Variants in KANSL1 observed in about 807,000 individuals in gnomAD.
The protein encoded by KANSL1 is MLL1/MLL complex subunit KANSL1.
KANSL1 carries 22 observed loss-of-function variants against 103.6 expected under a neutral mutation model. The ratio of observed to expected loss-of-function variants is 0.21; its 90% CI spans 0.15 to 0.30. The LOEUF (loss-of-function observed/expected upper bound fraction) is 0.30, where lower values mean the gene tolerates loss of function less well. Among genes scored for constraint, KANSL1 ranks in the 10% least tolerant of loss-of-function variants. The probability of loss-of-function intolerance (pLI) is 1.00; values close to 1 mark genes in which losing one functional copy is unlikely to be tolerated. For missense variants in KANSL1, 1,337 were observed against 1,399.8 expected (o/e 0.96, Z 0.72); for synonymous variants, 600 against 527.6 (o/e 1.14, Z -1.88).
rs2046254313 is a variant in KANSL1 at position 46,170,983 on chromosome 17, G to A, written c.1161C>T (p.Gly387=). The A allele has an allele frequency of 1.2e-6, 2 of 1,614,160 alleles. No individual in the cohort carries two copies. The highest frequency in any genetic ancestry group is 8.5e-7 in the Non-Finnish European group (1 of 1,180,060). The change falls in exon 2 of 15, where the codon GGC becomes GGT. Residue 387 remains glycine (G), a synonymous_variant. Coordinates refer to ENST00000432791, the MANE Select transcript of KANSL1 (RefSeq NM_015443.4). ...SEELERFTAS[G]IANLRCSEQA... is the part of the protein sequence containing the mutation. ...GTTCACTGCACCTCAAGTTGGCTATGCCACTAGCTGTAAATCTCTCCAATT... is the reference window on the plus strand; with the variant it reads ...GTTCACTGCACCTCAAGTTGGCTATACCACTAGCTGTAAATCTCTCCAATT...
intron 7 of KANSL1, among the ~76,000 whole-genome samples, chr17:46,046,651 T>C (rs555655005): frequency 2.2e-5 from 3 of 138,350 alleles, no homozygotes; most frequent in Non-Finnish European, 3.0e-5. Flanking sequence ...TCCTGGCCAA[T>C]ATGGTGAAAC....
At chr17:46,126,025 A>G (rs1483765888) in intron 2 of KANSL1, among the ~76,000 whole-genome samples, 1 of 152,266 alleles carries the variant, frequency 6.6e-6, no homozygotes, top group Non-Finnish European at 1.5e-5. Context: ...ACAGCTTATC[A>G]GTACCAGTAG....
intron 8 of KANSL1, 159 bp downstream of exon 8, chr17:46,039,543 G>T: frequency 1.3e-6 from 1 of 773,220 alleles, no homozygotes; most frequent in Non-Finnish European, 2.0e-6. Context: ...CCATCTGAGA[G>T]CATCCAAGAC....
At chr17:46,154,949 A>G (rs2045334611) in intron 2 of KANSL1, among the ~76,000 whole-genome samples, 1 of 152,210 alleles carries the variant, frequency 6.6e-6, no homozygotes, top group Admixed American at 6.5e-5. Context: ...GGTATAAGCC[A>G]CCACGAGCAG....
intron 2 of KANSL1, among the ~76,000 whole-genome samples, chr17:46,118,254 T>G (rs1447544809): frequency 6.6e-6 from 1 of 152,220 alleles, no homozygotes; most frequent in African/African-American, 2.4e-5. Flanking sequence ...TCAAAAAAAA[T>G]TCAGTAAGTT....
intron 2 of KANSL1, among the ~76,000 whole-genome samples, chr17:46,160,329 ACT>A (rs1394111229): frequency 1.5e-4 from 23 of 152,026 alleles, no homozygotes; most frequent in Admixed American, 2.6e-4. Context: ...ACAAGGTCTC[ACT>A]CTGCTGCTCA....
At chr17:46,165,763 G>A (rs2045964582) in intron 2 of KANSL1, among the ~76,000 whole-genome samples, 2 of 150,130 alleles carry the variant, frequency 1.3e-5, no homozygotes, top group Non-Finnish European at 3.0e-5. Context: ...CACCCACCTT[G>A]GCCTCCCAAA....
chr17:46,098,131 A>G (rs1281414765), intron 2 of KANSL1, among the ~76,000 whole-genome samples: 8 of 149,924 alleles, frequency 5.3e-5, no homozygotes, highest in African/African-American at 1.3e-4. Flanking sequence ...CAAGAGATCA[A>G]TAAGAAACTA....
At chr17:46,218,766 C>T (rs1460302047) in intron 1 of KANSL1, among the ~76,000 whole-genome samples, 1 of 150,276 alleles carries the variant, frequency 6.7e-6, no homozygotes, top group African/African-American at 2.5e-5. Context: ...CTGGGCGACA[C>T]AGCAAGACTC....
intron 10 of KANSL1, chr17:46,038,029 T>TCCC (rs1398798135): frequency 6.5e-6 from 1 of 154,260 alleles, no homozygotes; most frequent in African/African-American, 2.4e-5. Context: ...CTCTGCCTTC[T>TCCC]CCCTTCCCTT....
intron 2 of KANSL1, among the ~76,000 whole-genome samples, chr17:46,147,487 T>C (rs542734373): frequency 2.0e-5 from 3 of 150,314 alleles, no homozygotes; most frequent in East Asian, 4.0e-4. Context: ...GATAGAAGAA[T>C]TGCTTGAGAC....
chr17:46,155,781 T>C (rs899489544), intron 2 of KANSL1, among the ~76,000 whole-genome samples: 2 of 152,126 alleles, frequency 1.3e-5, no homozygotes, highest in Non-Finnish European at 2.9e-5. Flanking sequence ...TTAAAAGATA[T>C]TACAGGCTAA....
At chr17:46,108,117 A>T (rs1002615154) in intron 2 of KANSL1, among the ~76,000 whole-genome samples, 1 of 152,190 alleles carries the variant, frequency 6.6e-6, no homozygotes, top group Admixed American at 6.5e-5. Flanking sequence ...AAGTTCGATC[A>T]TGTCACTCCT....
chr17:46,122,179 T>C (rs1362136400), intron 2 of KANSL1, among the ~76,000 whole-genome samples: 6 of 152,200 alleles, frequency 3.9e-5, no homozygotes, highest in Non-Finnish European at 4.4e-5. Flanking sequence ...TCTCAACAAA[T>C]CAGTAACTGA....
intron 2 of KANSL1, among the ~76,000 whole-genome samples, chr17:46,148,621 C>G (rs956376153): frequency 3.3e-5 from 5 of 151,242 alleles, no homozygotes; most frequent in Non-Finnish European, 7.4e-5. Flanking sequence ...GAGTCTCCCT[C>G]TGTCGCCCAG....
chr17:46,170,888 G>A lies in KANSL1; in HGVS notation c.1256C>T (p.Thr419Ile). The change falls in exon 2 of 15, where the codon ACC (threonine) becomes ATC (isoleucine). Residue 419 changes from threonine (T) to isoleucine (I), a missense_variant. This residue lies in a region of KANSL1 where 780 missense variants were observed against 923.4 expected (regional missense o/e 0.84). Transcript: ENST00000432791. ...ATGACGCTGCTCGGGATCAGCTCTG[G>A]TCAGTTCTTCCTCTTCAATATCAGA... ...GESDIEEEEL[T>I]RADPEQRHVP... 1 of 1,613,232 alleles carries A rather than the reference G, an allele frequency of 6.2e-7. No homozygotes were observed. Among genetic ancestry groups the A allele is most frequent in the East Asian group, 2.2e-5 (1 of 44,854 alleles).
intron 2 of KANSL1, among the ~76,000 whole-genome samples, chr17:46,137,255 T>C (rs530418035): frequency 5.2e-5 from 8 of 152,382 alleles, no homozygotes; most frequent in African/African-American, 1.4e-4. Context: ...TCTGAAATGA[T>C]AGTCAAAATA....
intron 1 of KANSL1, among the ~76,000 whole-genome samples, chr17:46,213,543 CATG>C (rs1470169113): frequency 6.7e-6 from 1 of 149,842 alleles, no homozygotes; most frequent in African/African-American, 2.5e-5. Flanking sequence ...CTCCTGACCT[CATG>C]ATGGGCCCGC....
chr17:46,039,326 G>A (rs2077245228), intron 8 of KANSL1, 111 bp from the exon 9 acceptor site: 2 of 996,438 alleles, frequency 2.0e-6, no homozygotes, highest in Non-Finnish European at 2.8e-6. Context: ...ACCCAGGGCA[G>A]CAGGACAGTC....
Sources: allele counts gnomAD v4.1 joint callset (sites outside exome capture counted in the v4.1 genomes callset), GRCh38; gene constraint gnomAD v4.1.1; regional missense constraint gnomAD v4.1.1; transcripts MANE v1.5; gene names NCBI Gene and HGNC (gene_info 2026-07-23, HGNC 2026-07-21).